ATRN: variants seen among roughly 807,000 people sequenced by gnomAD.
The protein encoded by ATRN is attractin-2.
ATRN carries 54 observed loss-of-function variants against 178.7 expected under a neutral mutation model. The ratio of observed to expected loss-of-function variants is 0.30; its 90% CI spans 0.24 to 0.38. The LOEUF (loss-of-function observed/expected upper bound fraction) is 0.38, where lower values mean the gene tolerates loss of function less well. Among genes scored for constraint, ATRN ranks in the 10% least tolerant of loss-of-function variants. The probability of loss-of-function intolerance (pLI) is 1.00; values close to 1 mark genes in which losing one functional copy is unlikely to be tolerated. For missense variants in ATRN, 1,443 were observed against 1,815.1 expected, an observed-to-expected ratio of 0.79 and a Z score of 3.73; for synonymous variants, 636 against 663.0, an observed-to-expected ratio of 0.96 and a Z score of 0.63.
chr20:3,530,127 C>T (rs1411222219), intron 1 of ATRN, among the ~76,000 whole-genome samples: 2 of 149,408 alleles, frequency 1.3e-5, no homozygotes, highest in Admixed American at 6.7e-5. Context: ...TTATGAAAAT[C>T]CAATAGCCAT....
At chr20:3,611,568 C>G (rs1420970281) in intron 24 of ATRN, among the ~76,000 whole-genome samples, 1 of 152,118 alleles carries the variant, frequency 6.6e-6, no homozygotes, top group Non-Finnish European at 1.5e-5. Flanking sequence ...ATGGCAAAAC[C>G]CCGTCTCTAC....
In ATRN at chr20:3,594,512, A is replaced by G. The variant is rs373331678; in HGVS notation, c.3356A>G (p.Asn1119Ser). The G allele has an allele frequency of 6.0e-5, 96 of 1,612,560 alleles. No homozygotes were observed. The highest frequency in any genetic ancestry group is 8.1e-5 in the Non-Finnish European group (96 of 1,178,902). The change falls in exon 20 of 29, where the codon AAC becomes AGC. Residue 1119 changes from asparagine (N) to serine (S), a missense_variant. By Grantham distance (46) the Asn-to-Ser change is conservative. Coordinates refer to ENST00000262919, the MANE Select transcript of ATRN (RefSeq NM_139321.3). ...CKCNGHASLC[N>S]TNTGKCFCTT... ...TGCAATGGGCACGCGTCTCTGTGCA[A>G]CACCAACACGGGCAAGTGCTTCTGC...
chr20:3,512,103 A>ATT (rs1234363088), intron 1 of ATRN, among the ~76,000 whole-genome samples: 10 of 117,264 alleles, frequency 8.5e-5, no homozygotes, highest in African/African-American at 3.3e-4. Flanking sequence ...ATATATATAT[A>ATT]TATATTTTTT....
At chr20:3,618,639 G>A (rs531231459) in intron 24 of ATRN, among the ~76,000 whole-genome samples, 1 of 152,314 alleles carries the variant, frequency 6.6e-6, no homozygotes, top group South Asian at 2.1e-4. Context: ...GATGGTGAGT[G>A]TTCGTTTGCA....
intron 1 of ATRN, among the ~76,000 whole-genome samples, chr20:3,508,789 A>C (rs2085082231): frequency 6.6e-6 from 1 of 152,158 alleles, no homozygotes; most frequent in Admixed American, 6.5e-5. Context: ...AGAATATAGA[A>C]TTGAAATATA....
At chr20:3,476,898 A>G (rs1568676331) in intron 1 of ATRN, among the ~76,000 whole-genome samples, 1 of 152,250 alleles carries the variant, frequency 6.6e-6, no homozygotes, top group Non-Finnish European at 1.5e-5. Flanking sequence ...CAAAATGTGA[A>G]GAAGTGAAAA....
chr20:3,570,784 A>G (rs995858891), intron 11 of ATRN, among the ~76,000 whole-genome samples: 2 of 152,184 alleles, frequency 1.3e-5, no homozygotes, highest in African/African-American at 4.8e-5. Context: ...AAAAAGTTCT[A>G]GTTTTTAAGG....
At chr20:3,506,929 TAGAAG>T (rs1438688331) in intron 1 of ATRN, among the ~76,000 whole-genome samples, 1 of 152,028 alleles carries the variant, frequency 6.6e-6, no homozygotes, top group African/African-American at 2.4e-5. Flanking sequence ...TGAAGAGCCT[TAGAAG>T]AGAATTAGTT....
chr20:3,612,381 C>A (rs1397516230), intron 24 of ATRN, among the ~76,000 whole-genome samples: 1 of 152,158 alleles, frequency 6.6e-6, no homozygotes, highest in Non-Finnish European at 1.5e-5. Context: ...ATTTCTCTGA[C>A]TTCTTAGGAC....
chr20:3,543,720 G>T lies in ATRN; in HGVS notation c.609-2042G>T, dbSNP rs375149154. Among the ~76,000 whole-genome samples the T allele has an allele frequency of 2.1e-4, 29 of 141,034 alleles. No individual in the cohort carries two copies. The East Asian group carries it at 5.4e-3, about 26-fold the overall frequency. 92.5% of individuals were successfully genotyped at this position (141,034 alleles called of 152,430 possible). A position where few individuals can be genotyped will look rare whatever the true frequency, so the allele number is the denominator to read the frequency against. The stretch of plus-strand genomic sequence containing the variant: ...AGCCTAGGTGACAGAACAAGACTCG[G>T]TCTCAAGAAAAAAAAAAAAAATGAA... On this transcript the variant is annotated intron_variant, in intron 3 of 28. Transcript: ENST00000262919.
intron 3 of ATRN, among the ~76,000 whole-genome samples, chr20:3,541,254 T>G (rs2085616870): frequency 6.6e-6 from 1 of 151,794 alleles, no homozygotes; most frequent in Admixed American, 6.6e-5. Context: ...ATTTTTTGTA[T>G]TTTTAGTAGA....
At chr20:3,480,218 G>A (rs954176305) in intron 1 of ATRN, among the ~76,000 whole-genome samples, 1 of 152,198 alleles carries the variant, frequency 6.6e-6, no homozygotes, top group East Asian at 1.9e-4. Context: ...TTCTGGCCGT[G>A]CTGATTGTTT....
intron 28 of ATRN, 131 bp from the exon 29 acceptor site, chr20:3,646,592 G>GT (rs1372416895): frequency 7.6e-7 from 1 of 1,315,128 alleles, no homozygotes; most frequent in Non-Finnish European, 1.0e-6. Context: ...CTTTTTGGGG[G>GT]TTTTTTGTTC....
In ATRN at chr20:3,589,691, A is replaced by G. The variant is rs141790797; in HGVS notation, c.3185-1478A>G. ...TATTGGTCAGTGGTTGGGTGTGCTG[A>G]GCTGTTGTGAAAGTGTGGTATGATG... On this transcript the variant is annotated intron_variant, in intron 18 of 28. Coordinates refer to ENST00000262919, the MANE Select transcript of ATRN (RefSeq NM_139321.3). Among the ~76,000 whole-genome samples, 123 of 152,070 alleles carry G rather than the reference A, an allele frequency of 8.1e-4. 1 individual carries two copies. The East Asian group carries it at 0.022, about 28-fold the overall frequency.
intron 1 of ATRN, among the ~76,000 whole-genome samples, chr20:3,506,585 A>G (rs2146118309): frequency 6.6e-6 from 1 of 151,616 alleles, no homozygotes; most frequent in South Asian, 2.1e-4. Flanking sequence ...GATCATTGCC[A>G]CTGCACTCCA....
At chr20:3,539,224 G>A (rs2085584346) in intron 2 of ATRN, among the ~76,000 whole-genome samples, 1 of 152,206 alleles carries the variant, frequency 6.6e-6, no homozygotes, top group Non-Finnish European at 1.5e-5. Context: ...CTTTCTGAGT[G>A]GAGTGTTGGG....
intron 1 of ATRN, among the ~76,000 whole-genome samples, chr20:3,474,118 A>G (rs908572539): frequency 8.5e-5 from 13 of 152,272 alleles, no homozygotes; most frequent in African/African-American, 3.1e-4. Flanking sequence ...GGAGATTGCC[A>G]GGGAGCTCTC....
chr20:3,539,042 C>T (rs2085581714), intron 2 of ATRN, among the ~76,000 whole-genome samples: 1 of 152,216 alleles, frequency 6.6e-6, no homozygotes, highest in African/African-American at 2.4e-5. Flanking sequence ...ACTGCCACAT[C>T]ACCTTCTTTT....
intron 6 of ATRN, among the ~76,000 whole-genome samples, chr20:3,558,601 T>C (rs1476524270): frequency 6.6e-6 from 1 of 152,036 alleles, no homozygotes; most frequent in Non-Finnish European, 1.5e-5. Flanking sequence ...TATCCTCATA[T>C]GCATAGAAAG....
Sources: gnomAD v4.1 joint callset for allele counts (sites outside exome capture counted in the v4.1 genomes callset) on GRCh38, gnomAD v4.1.1 for gene constraint, MANE v1.5 for transcripts, NCBI Gene and HGNC (gene_info 2026-07-23, HGNC 2026-07-21) for gene names.